Variants in GALNTL6 observed in about 807,000 individuals in gnomAD.
GALNTL6 encodes the protein polypeptide N-acetylgalactosaminyltransferase-like 6.
Under a neutral mutation model 73.7 loss-of-function variants are expected in GALNTL6, and 46 were observed. That is an observed-to-expected ratio of 0.62 (90% CI 0.49 to 0.80). The LOEUF is 0.80. Ranked by LOEUF, GALNTL6 falls within the 30% of genes least tolerant of loss-of-function variation. The pLI, the probability that GALNTL6 is intolerant of heterozygous loss-of-function variation, is 0.00. For synonymous variants in GALNTL6, 259 were observed against 263.7 expected (o/e 0.98, Z 0.17); for missense variants, 604 against 755.0 (o/e 0.80, Z 2.34).
intron 2 of GALNTL6, among the ~76,000 whole-genome samples, chr4:172,001,414 G>A (rs1036324117): frequency 1.3e-4 from 20 of 152,102 alleles, no homozygotes; most frequent in African/African-American, 4.1e-4. Flanking sequence ...CCTCTGTGGG[G>A]CCTCCATTTC....
chr4:172,956,835 A>G (rs796575995), intron 10 of GALNTL6, among the ~76,000 whole-genome samples: 14 of 152,264 alleles, frequency 9.2e-5, no homozygotes, highest in African/African-American at 3.1e-4. Context: ...TGTCCATTCT[A>G]CCTTTCCTGA....
chr4:172,149,855 A>T (rs1296771208), intron 2 of GALNTL6, among the ~76,000 whole-genome samples: 1 of 152,148 alleles, frequency 6.6e-6, no homozygotes, highest in East Asian at 1.9e-4. Flanking sequence ...CACCATTGAG[A>T]TTTAAAACAC....
chr4:172,079,978 T>G (rs910864054), intron 2 of GALNTL6, among the ~76,000 whole-genome samples: 6 of 152,152 alleles, frequency 3.9e-5, no homozygotes, highest in African/African-American at 1.4e-4. Context: ...CTTAGAAACA[T>G]CTTTGCTGTC....
chr4:172,486,153 G>A (rs752262926), intron 5 of GALNTL6, among the ~76,000 whole-genome samples: 21 of 152,224 alleles, frequency 1.4e-4, no homozygotes, highest in Middle Eastern at 3.4e-3. Context: ...TATTCTGTGT[G>A]TTTCACTTTG....
intron 7 of GALNTL6, among the ~76,000 whole-genome samples, chr4:172,825,901 A>G (rs2111038496): frequency 6.6e-6 from 1 of 152,302 alleles, no homozygotes; most frequent in South Asian, 2.1e-4. Flanking sequence ...CAGCCTAGCT[A>G]AATGTTTTTT....
chr4:172,875,767 A>ACT (rs1745164390), intron 7 of GALNTL6, among the ~76,000 whole-genome samples: 1 of 151,752 alleles, frequency 6.6e-6, no homozygotes, highest in Non-Finnish European at 1.5e-5. Flanking sequence ...ACACACACAC[A>ACT]CAAATAAGAA....
intron 5 of GALNTL6, among the ~76,000 whole-genome samples, chr4:172,602,473 G>T (rs959697789): frequency 9.8e-6 from 1 of 102,438 alleles, no homozygotes; most frequent in South Asian, 3.8e-4. Context: ...TATAGGTAGT[G>T]TAAAACATTA....
intron 5 of GALNTL6, among the ~76,000 whole-genome samples, chr4:172,407,087 G>A (rs1297422382): frequency 2.0e-5 from 3 of 151,606 alleles, no homozygotes; most frequent in Non-Finnish European, 2.9e-5. Context: ...AAATTTATAG[G>A]GTTTCCAAGA....
intron 5 of GALNTL6, among the ~76,000 whole-genome samples, chr4:172,388,481 A>C (rs1743551561): frequency 6.6e-6 from 1 of 152,102 alleles, no homozygotes; most frequent in African/African-American, 2.4e-5. Context: ...TTTATTAGGA[A>C]AGTTATTTAG....
chr4:173,018,939 A>G (rs564197459), intron 11 of GALNTL6, among the ~76,000 whole-genome samples: 1 of 152,342 alleles, frequency 6.6e-6, no homozygotes, highest in South Asian at 2.1e-4. Context: ...GGCCTTTCCA[A>G]CAGACTTCCT....
chr4:172,873,986 G>A (rs1745069742), intron 7 of GALNTL6, among the ~76,000 whole-genome samples: 2 of 152,232 alleles, frequency 1.3e-5, no homozygotes, highest in African/African-American at 4.8e-5. Context: ...AGATGAAGGA[G>A]TAATGTTTTC....
chr4:171,984,500 T>C (rs1740006265), intron 2 of GALNTL6, among the ~76,000 whole-genome samples: 1 of 151,994 alleles, frequency 6.6e-6, no homozygotes, highest in African/African-American at 2.4e-5. Context: ...ACTCTCCAGA[T>C]GGGAGAGAGT....
At chr4:172,015,434 GT>G (rs200992067) in intron 2 of GALNTL6, among the ~76,000 whole-genome samples, 1,692 of 151,492 alleles carry the variant, frequency 0.011, 31 homozygotes, top group African/African-American at 0.037. Context: ...GTTTGTATGA[GT>G]TCTTGTGTGT....
chr4:172,429,021 G>A (rs988229463), intron 5 of GALNTL6, among the ~76,000 whole-genome samples: 3 of 151,924 alleles, frequency 2.0e-5, no homozygotes, highest in Non-Finnish European at 2.9e-5. Flanking sequence ...CCCGCTTTCT[G>A]GTTCATAGAT....
chr4:172,366,804 T>C (rs201212977), intron 5 of GALNTL6, among the ~76,000 whole-genome samples: 1 of 151,910 alleles, frequency 6.6e-6, no homozygotes, highest in Non-Finnish European at 1.5e-5. Flanking sequence ...GGAAAGAGAC[T>C]GACTATTTCC....
chr4:172,165,390 A>G (rs961296826), intron 2 of GALNTL6, among the ~76,000 whole-genome samples: 30 of 152,134 alleles, frequency 2.0e-4, no homozygotes, highest in African/African-American at 7.0e-4. Flanking sequence ...AGCAGAAACC[A>G]CTATTTTATT....
intron 3 of GALNTL6, among the ~76,000 whole-genome samples, chr4:172,269,654 A>T (rs1738569043): frequency 6.6e-6 from 1 of 152,226 alleles, no homozygotes; most frequent in African/African-American, 2.4e-5. Context: ...TCTTTGGAAT[A>T]CATAAGTTTG....
At chr4:172,181,148 TG>T (rs1298529155) in intron 2 of GALNTL6, among the ~76,000 whole-genome samples, 1 of 152,138 alleles carries the variant, frequency 6.6e-6, no homozygotes, top group East Asian at 1.9e-4. Context: ...TACCAAAACC[TG>T]GCAGAGACAC....
At chr4:172,276,674 C>G (rs150684535) in intron 3 of GALNTL6, among the ~76,000 whole-genome samples, 1 of 152,048 alleles carries the variant, frequency 6.6e-6, no homozygotes, top group East Asian at 1.9e-4. Context: ...ATCACACAAC[C>G]AACTAGGTTG....
Sources: allele counts gnomAD v4.1 joint callset (sites outside exome capture counted in the v4.1 genomes callset), GRCh38; gene constraint gnomAD v4.1.1; transcripts MANE v1.5; gene names NCBI Gene and HGNC (gene_info 2026-07-23, HGNC 2026-07-21).